Variants in ZNF644 observed in about 807,000 individuals in gnomAD.
The protein encoded by ZNF644 is zinc finger protein 644.
ZNF644 carries 20 observed loss-of-function variants against 108.0 expected under a neutral mutation model. The observed-to-expected ratio is 0.19, with a 90% CI of 0.13 to 0.27. ZNF644 has a LOEUF of 0.27. Ranked by LOEUF, ZNF644 falls within the 10% of genes least tolerant of loss-of-function variation. The pLI, the probability that ZNF644 is intolerant of heterozygous loss-of-function variation, is 1.00. For missense variants in ZNF644, 1,338 were observed against 1,548.9 expected (o/e 0.86, Z 2.29); for synonymous variants, 542 against 539.1 (o/e 1.01, Z -0.08).
chr1:91,005,910 C>T (rs1482762074), intron 1 of ZNF644, among the ~76,000 whole-genome samples: 1 of 151,104 alleles, frequency 6.6e-6, no homozygotes, highest in Non-Finnish European at 1.5e-5. Context: ...ATAAAGAACA[C>T]AGCAGAAATA....
chr1:90,993,956 C>T (rs374244213), intron 1 of ZNF644, among the ~76,000 whole-genome samples: 25 of 152,272 alleles, frequency 1.6e-4, no homozygotes, highest in African/African-American at 5.8e-4. Flanking sequence ...CACATTCTTA[C>T]TCAACTATTA....
chr1:90,969,165 A>T (rs1191582057), intron 2 of ZNF644, among the ~76,000 whole-genome samples: 2 of 152,194 alleles, frequency 1.3e-5, no homozygotes, highest in Non-Finnish European at 2.9e-5. Flanking sequence ...CCATTAGGGT[A>T]GGCCCTAATC....
At chr1:90,929,693 A>T (rs1650497857) in intron 4 of ZNF644, among the ~76,000 whole-genome samples, 1 of 152,182 alleles carries the variant, frequency 6.6e-6, no homozygotes, top group African/African-American at 2.4e-5. Flanking sequence ...CATAAGAATG[A>T]CTTTTCTAGT....
intron 4 of ZNF644, 22 bp downstream of exon 4, chr1:90,937,463 A>G (rs1307178510): frequency 3.7e-6 from 6 of 1,613,312 alleles, no homozygotes; most frequent in Non-Finnish European, 5.1e-6. Flanking sequence ...TGTGTATAGC[A>G]TAGTCATAAA....
Position 90,982,371 on chromosome 1 carries a change from C to A in ZNF644, c.-17-1G>T, listed in dbSNP as rs1194724572. The A allele has an allele frequency of 6.2e-7, 1 of 1,609,072 alleles. No homozygotes were observed. Among genetic ancestry groups the A allele is most frequent in the Non-Finnish European group, 8.5e-7 (1 of 1,178,096 alleles). On this transcript the variant is annotated splice_acceptor_variant, in intron 1 of 5. Transcript: ENST00000337393. LOFTEE classifies it low-confidence loss of function (5UTR_SPLICE). ...GATCTCATCCAAAATTAAATCAAAC[C>A]TGAAAGAAATACACACAATGACCAA...
intron 1 of ZNF644, among the ~76,000 whole-genome samples, chr1:90,999,605 G>A (rs907624410): frequency 4.6e-5 from 7 of 152,244 alleles, no homozygotes; most frequent in Middle Eastern, 3.4e-3. Context: ...AAAGACCATC[G>A]ATGCAAGGAA....
At chr1:90,948,739 A>G (rs1652779620) in intron 2 of ZNF644, among the ~76,000 whole-genome samples, 2 of 152,208 alleles carry the variant, frequency 1.3e-5, no homozygotes, top group South Asian at 4.1e-4. Context: ...ATGTTGTTCA[A>G]GGGTCAACTG....
At chr1:90,987,333 T>C (rs532183723) in intron 1 of ZNF644, among the ~76,000 whole-genome samples, 3 of 124,718 alleles carry the variant, frequency 2.4e-5, no homozygotes, top group South Asian at 2.4e-4. Context: ...ACTTGAAAAA[T>C]GAAAATCTGA....
At chr1:91,014,274 C>T (rs942115660) in intron 1 of ZNF644, among the ~76,000 whole-genome samples, 2 of 152,080 alleles carry the variant, frequency 1.3e-5, no homozygotes, top group African/African-American at 4.8e-5. Context: ...TATCTCTTAA[C>T]ATATAATGTC....
At chr1:91,012,125 T>C (rs757679784) in intron 1 of ZNF644, among the ~76,000 whole-genome samples, 2 of 151,982 alleles carry the variant, frequency 1.3e-5, no homozygotes, top group Non-Finnish European at 2.9e-5. Flanking sequence ...AAAAGGGCCA[T>C]AGTACCAAAT....
At chr1:90,924,434 A>C (rs1257540690) in intron 4 of ZNF644, among the ~76,000 whole-genome samples, 1 of 152,194 alleles carries the variant, frequency 6.6e-6, no homozygotes, top group East Asian at 1.9e-4. Flanking sequence ...CAAACAAAAT[A>C]ATCACAGTCC....
At chr1:90,988,167 A>G (rs946427794) in intron 1 of ZNF644, among the ~76,000 whole-genome samples, 1 of 152,078 alleles carries the variant, frequency 6.6e-6, no homozygotes, top group South Asian at 2.1e-4. Context: ...AATTTTCAAG[A>G]AAAAAAATGT....
intron 4 of ZNF644, among the ~76,000 whole-genome samples, chr1:90,930,891 T>C (rs1371460876): frequency 6.6e-6 from 1 of 152,180 alleles, no homozygotes; most frequent in African/African-American, 2.4e-5. Context: ...CTCTCTACTC[T>C]GTATTTCCCT....
chr1:91,019,711 T>C (rs552479086), intron 1 of ZNF644, among the ~76,000 whole-genome samples: 2 of 152,178 alleles, frequency 1.3e-5, no homozygotes, highest in South Asian at 2.1e-4. Flanking sequence ...GGTGGGACTA[T>C]AGGCACCACC....
At chr1:90,990,278 C>T (rs1270541945) in intron 1 of ZNF644, among the ~76,000 whole-genome samples, 4 of 152,068 alleles carry the variant, frequency 2.6e-5, no homozygotes, top group Admixed American at 6.5e-5. Context: ...TACTTAAAAA[C>T]AGTTAAGATG....
chr1:90,954,299 C>T (rs1011320623), intron 2 of ZNF644, among the ~76,000 whole-genome samples: 5 of 152,216 alleles, frequency 3.3e-5, no homozygotes, highest in African/African-American at 1.2e-4. Flanking sequence ...ACTATTTTCA[C>T]TACGAGTAGA....
At position 90,915,359 on chromosome 1, in the gene ZNF644, G is replaced by C. The variant is rs1417102277; in HGVS notation, c.*1439C>G. 6.6e-6 allele frequency: 1 copy of C among 152,358 alleles called. No individual in the cohort carries two copies. Among genetic ancestry groups the C allele is most frequent in the African/African-American group, 2.4e-5 (1 of 41,364 alleles). 9.4% of individuals were successfully genotyped at this position (152,358 alleles called of 1,614,324 possible). A position where few individuals can be genotyped will look rare whatever the true frequency, so the allele number is the denominator to read the frequency against. On this transcript the variant is annotated 3_prime_UTR_variant, in exon 6 of 6. Coordinates refer to ENST00000337393, the MANE Select transcript of ZNF644 (RefSeq NM_201269.3). ...TTTTCTGGTAAGGAGATATACCATA[G>C]GAAAGCAATTTCACTGGCAGTGAGG...
At chr1:91,009,245 TAA>T (rs1396704021) in intron 1 of ZNF644, among the ~76,000 whole-genome samples, 3 of 152,198 alleles carry the variant, frequency 2.0e-5, no homozygotes, top group African/African-American at 7.2e-5. Flanking sequence ...GTTTAAAATG[TAA>T]ATGTTATACT....
intron 2 of ZNF644, among the ~76,000 whole-genome samples, chr1:90,950,895 T>C (rs1224105293): frequency 1.3e-5 from 2 of 152,164 alleles, no homozygotes; most frequent in Non-Finnish European, 2.9e-5. Context: ...ATATTTGCAA[T>C]ACTCTAGTTC....
Sources: allele counts gnomAD v4.1 joint callset (sites outside exome capture counted in the v4.1 genomes callset), GRCh38; gene constraint gnomAD v4.1.1; transcripts MANE v1.5; gene names NCBI Gene and HGNC (gene_info 2026-07-23, HGNC 2026-07-21).